Variants in CCSER1 observed in about 807,000 individuals in gnomAD.
CCSER1 encodes serine-rich coiled-coil domain-containing protein 1.
In CCSER1, 41 loss-of-function variants were observed where a neutral mutation model predicts 82.0. That is an observed-to-expected ratio of 0.50 (90% CI 0.39 to 0.65). CCSER1 has a LOEUF of 0.65. Ranked by LOEUF, CCSER1 falls within the 30% of genes least tolerant of loss-of-function variation. CCSER1 has a pLI of 0.00. For synonymous variants in CCSER1, 414 were observed against 383.9 expected (o/e 1.08, Z -0.92); for missense variants, 1,119 against 1,064.2 (o/e 1.05, Z -0.72).
At chr4:90,393,371 C>G (rs1751478861) in intron 3 of CCSER1, among the ~76,000 whole-genome samples, 1 of 152,034 alleles carries the variant, frequency 6.6e-6, no homozygotes, top group South Asian at 2.1e-4. Context: ...CTGTAGAATC[C>G]TATGGTTGGA....
At chr4:90,385,857 G>A (rs1242674186) in intron 3 of CCSER1, among the ~76,000 whole-genome samples, 5 of 151,334 alleles carry the variant, frequency 3.3e-5, no homozygotes, top group Admixed American at 3.3e-4. Flanking sequence ...TTGCTGATTT[G>A]TTTGAGTTCC....
At chr4:90,690,048 T>C (rs1303612577) in intron 6 of CCSER1, among the ~76,000 whole-genome samples, 1 of 152,068 alleles carries the variant, frequency 6.6e-6, no homozygotes, top group African/African-American at 2.4e-5. Flanking sequence ...TGCACAGAGC[T>C]GGCCAAATTG....
intron 10 of CCSER1, among the ~76,000 whole-genome samples, chr4:91,110,353 A>C (rs1363928643): frequency 6.6e-6 from 1 of 152,040 alleles, no homozygotes; most frequent in African/African-American, 2.4e-5. Context: ...AGATAAAATA[A>C]AATTGCCTAT....
chr4:90,562,892 T>A (rs1560723701), intron 5 of CCSER1, among the ~76,000 whole-genome samples: 1 of 151,132 alleles, frequency 6.6e-6, no homozygotes, highest in Non-Finnish European at 1.5e-5. Context: ...TTTTAAAGTT[T>A]GAATGGATAT....
At chr4:90,663,994 G>A in intron 6 of CCSER1, 1 of 167,500 alleles carries the variant, frequency 6.0e-6, no homozygotes, top group African/African-American at 2.4e-5. Flanking sequence ...TCAGTTTGGA[G>A]ATACTTTTAA....
chr4:91,464,873 C>T (rs1024747912), intron 10 of CCSER1, among the ~76,000 whole-genome samples: 5 of 152,182 alleles, frequency 3.3e-5, no homozygotes, highest in Non-Finnish European at 7.3e-5. Context: ...TAGAGACCTA[C>T]AAAGAGACTT....
intron 7 of CCSER1, chr4:90,780,395 A>T: frequency 3.2e-6 from 5 of 1,580,432 alleles, no homozygotes; most frequent in Non-Finnish European, 4.3e-6. Flanking sequence ...CAAAATGCTG[A>T]GTTGGTAGAA....
intron 10 of CCSER1, among the ~76,000 whole-genome samples, chr4:91,165,536 G>C (rs965279845): frequency 6.6e-6 from 1 of 152,224 alleles, no homozygotes; most frequent in Non-Finnish European, 1.5e-5. Context: ...GCTCCCAGTG[G>C]TGGGGTCTAC....
chr4:90,582,467 T>A (rs964103319), intron 5 of CCSER1, among the ~76,000 whole-genome samples: 2 of 152,256 alleles, frequency 1.3e-5, no homozygotes, highest in Non-Finnish European at 2.9e-5. Flanking sequence ...CATGTAGTAT[T>A]GCTACTCCAC....
intron 1 of CCSER1, among the ~76,000 whole-genome samples, chr4:90,260,877 G>A (rs1426606665): frequency 2.0e-5 from 3 of 152,024 alleles, no homozygotes; most frequent in Admixed American, 6.6e-5. Flanking sequence ...CAGCACACCT[G>A]GCTAATTTTT....
intron 10 of CCSER1, among the ~76,000 whole-genome samples, chr4:91,323,796 A>G (rs1359240113): frequency 6.6e-6 from 1 of 152,188 alleles, no homozygotes; most frequent in Non-Finnish European, 1.5e-5. Context: ...GCATAGTTCC[A>G]TGGGGAATTT....
intron 9 of CCSER1, among the ~76,000 whole-genome samples, chr4:90,990,766 G>A (rs1462485303): frequency 2.6e-5 from 4 of 151,914 alleles, no homozygotes; most frequent in African/African-American, 7.2e-5. Context: ...TGTGAAAAAT[G>A]AAAGGGGCTA....
chr4:90,386,184 G>C (rs1750018299), intron 3 of CCSER1, among the ~76,000 whole-genome samples: 1 of 152,128 alleles, frequency 6.6e-6, no homozygotes. Flanking sequence ...GAACCAAAAA[G>C]AGCCTGAATA....
rs539768895 is a variant in CCSER1 at position 90,720,182 on chromosome 4, T to C, written c.1933-3732T>C. ...GTTTTTTGAGTACTTCCTTGCTTTA[T>C]GGTACCACAGGATGCTCCAGAATCA... On this transcript the variant is annotated intron_variant, in intron 6 of 10. Transcript: ENST00000509176. 2.4e-4 allele frequency among the ~76,000 whole-genome samples: 36 copies of C among 152,216 alleles called. 1 individual carries two copies. The South Asian group carries it at 7.5e-3, about 32-fold the overall frequency.
rs1001510151 is a variant in CCSER1 at position 90,695,197 on chromosome 4, A to C, written c.1933-28717A>C. On this transcript the variant is annotated intron_variant, in intron 6 of 10. Coordinates refer to ENST00000509176, the MANE Select transcript of CCSER1 (RefSeq NM_001145065.2). ...TTAAATTCAAGGACACAGTGCTTTG[A>C]ATAAAAGCCTCAGATAATGTGAACT... is the stretch of plus-strand genomic sequence containing the variant. 2.0e-5 allele frequency among the ~76,000 whole-genome samples: 3 copies of C among 151,726 alleles called. No individual in the cohort carries two copies. In the Admixed American group the frequency reaches 2.0e-4, roughly 10 times the overall value.
intron 10 of CCSER1, among the ~76,000 whole-genome samples, chr4:91,437,041 A>C (rs1311769283): frequency 6.6e-6 from 1 of 152,236 alleles, no homozygotes; most frequent in Non-Finnish European, 1.5e-5. Context: ...CAGGTGGGTA[A>C]CACATGAATT....
intron 9 of CCSER1, among the ~76,000 whole-genome samples, chr4:90,981,164 G>A (rs1205276083): frequency 6.6e-6 from 1 of 151,772 alleles, no homozygotes; most frequent in Non-Finnish European, 1.5e-5. Context: ...GTTTCCCAGT[G>A]GGGTTAGGCT....
At chr4:90,574,119 A>ATTG (rs1780428741) in intron 5 of CCSER1, among the ~76,000 whole-genome samples, 1 of 151,522 alleles carries the variant, frequency 6.6e-6, no homozygotes, top group Non-Finnish European at 1.5e-5. Flanking sequence ...TTTAAAACAA[A>ATTG]TTGGTTAGTT....
At chr4:90,671,993 C>A (rs1732885033) in intron 6 of CCSER1, among the ~76,000 whole-genome samples, 1 of 151,922 alleles carries the variant, frequency 6.6e-6, no homozygotes, top group East Asian at 1.9e-4. Flanking sequence ...AGGAGTAGGT[C>A]TCAACAGTGG....
Sources: gnomAD v4.1 joint callset for allele counts (sites outside exome capture counted in the v4.1 genomes callset) on GRCh38, gnomAD v4.1.1 for gene constraint, MANE v1.5 for transcripts, NCBI Gene and HGNC (gene_info 2026-07-23, HGNC 2026-07-21) for gene names.